The following HPSE2 variants were observed in gnomAD, a reference collection of about 807,000 sequenced individuals.
HPSE2 encodes the protein heparanase 2 (inactive).
Under a neutral mutation model 60.5 loss-of-function variants are expected in HPSE2, and 38 were observed. The observed-to-expected ratio is 0.63, with a 90% CI of 0.48 to 0.82. HPSE2 has a LOEUF of 0.82. Ranked by LOEUF, HPSE2 falls within the 40% of genes least tolerant of loss-of-function variation. HPSE2 has a pLI of 0.00. For synonymous variants in HPSE2, 295 were observed against 293.2 expected, an observed-to-expected ratio of 1.01 and a Z score of -0.06; for missense variants, 713 against 740.4, an observed-to-expected ratio of 0.96 and a Z score of 0.43.
chr10:99,085,998 C>T (rs1843303002), intron 3 of HPSE2, among the ~76,000 whole-genome samples: 1 of 152,168 alleles, frequency 6.6e-6, no homozygotes, highest in South Asian at 2.1e-4. Context: ...ATATTCATTT[C>T]CAAAGTACAC....
At position 99,047,878 on chromosome 10, in the gene HPSE2, C is replaced by T. The variant is rs187801173; in HGVS notation, c.610+96360G>A. On this transcript the variant is annotated intron_variant, in intron 3 of 11. Transcript: ENST00000370552. ...CGAGGATGGCAAGAAAAGCTGGCAACTTTAATGTACCTTCAGAACCCAAAC... is the reference window on the plus strand; with the variant it reads ...CGAGGATGGCAAGAAAAGCTGGCAATTTTAATGTACCTTCAGAACCCAAAC... 1.2e-4 allele frequency: 94 copies of T among 767,234 alleles called. 2 individuals are homozygous for T. The East Asian group carries it at 1.6e-3, about 13-fold the overall frequency. The allele number at this position is 767,234 out of a possible 1,614,324, so 47.5% of individuals were successfully genotyped here.
rs1337240590 is a variant in HPSE2 at position 98,546,875 on chromosome 10, G to A, written c.1321-56679C>T. 3.3e-5 allele frequency among the ~76,000 whole-genome samples: 5 copies of A among 149,524 alleles called. No individual in the cohort carries two copies. The East Asian group carries it at 1.0e-3, about 30-fold the overall frequency. ...CATCAGAGTGAACAGCCAACCTACA[G>A]AATGGGAGAAAATTTTCTCAACCTA... On this transcript the variant is annotated intron_variant, in intron 9 of 11. Transcript: ENST00000370552.
intron 3 of HPSE2, among the ~76,000 whole-genome samples, chr10:99,082,700 A>C (rs1843188167): frequency 6.6e-6 from 1 of 152,220 alleles, no homozygotes; most frequent in Admixed American, 6.5e-5. Context: ...AGCACGTACT[A>C]GATACACATT....
At chr10:98,764,431 A>G in intron 3 of HPSE2, among the ~76,000 whole-genome samples, 1 of 152,244 alleles carries the variant, frequency 6.6e-6, no homozygotes. Context: ...CTATAGAACC[A>G]TATCAATAAT....
intron 3 of HPSE2, among the ~76,000 whole-genome samples, chr10:98,991,619 C>A (rs931143180): frequency 6.6e-6 from 1 of 152,186 alleles, no homozygotes; most frequent in South Asian, 2.1e-4. Context: ...TTTTGAGCAG[C>A]AGAGTCACAT....
chr10:98,519,138 T>C (rs947930810), intron 9 of HPSE2, among the ~76,000 whole-genome samples: 1 of 152,228 alleles, frequency 6.6e-6, no homozygotes, highest in Admixed American at 6.5e-5. Flanking sequence ...AGGCCCTACA[T>C]TGAATAGAAA....
At chr10:99,264,565 A>G in the HPSE2 span, among the ~76,000 whole-genome samples, 1 of 152,210 alleles carries the variant, frequency 6.6e-6, no homozygotes, top group South Asian at 2.1e-4. Flanking sequence ...GACAACATAA[A>G]AAAACTCAAG....
chr10:99,084,166 T>C (rs1399156900), intron 3 of HPSE2, among the ~76,000 whole-genome samples: 1 of 151,984 alleles, frequency 6.6e-6, no homozygotes, highest in East Asian at 1.9e-4. Context: ...ACTCAATTCC[T>C]CCCTATCCTG....
At chr10:99,299,651 C>A in the HPSE2 span, among the ~76,000 whole-genome samples, 6 of 152,096 alleles carry the variant, frequency 3.9e-5, no homozygotes, top group Non-Finnish European at 8.8e-5. Context: ...CAGATTTCGA[C>A]CCTCAGTGGG....
At chr10:99,288,980 C>T in the HPSE2 span, among the ~76,000 whole-genome samples, 4 of 151,842 alleles carry the variant, frequency 2.6e-5, no homozygotes, top group African/African-American at 9.7e-5. Context: ...ATTAAAATAC[C>T]AGCTAAAAAT....
intron 3 of HPSE2, among the ~76,000 whole-genome samples, chr10:99,081,811 T>C (rs1843152141): frequency 6.6e-6 from 1 of 151,988 alleles, no homozygotes; most frequent in Non-Finnish European, 1.5e-5. Flanking sequence ...TAATTTTTTG[T>C]ATTTTTAGTA....
chr10:98,778,528 TG>T (rs1950397578), intron 3 of HPSE2, among the ~76,000 whole-genome samples: 1 of 151,916 alleles, frequency 6.6e-6, no homozygotes, highest in South Asian at 2.1e-4. Context: ...CACAGGGAAG[TG>T]GTCAGGAGGC....
chr10:99,126,175 T>C lies in HPSE2; in HGVS notation c.610+18063A>G, dbSNP rs1490376349. Among the ~76,000 whole-genome samples, 4 of 152,146 alleles carry C rather than the reference T, an allele frequency of 2.6e-5. No individual in the cohort carries two copies. The highest frequency in any genetic ancestry group is 5.9e-5 in the Non-Finnish European group (4 of 68,020). On this transcript the variant is annotated intron_variant, in intron 3 of 11. Coordinates refer to ENST00000370552, the MANE Select transcript of HPSE2 (RefSeq NM_021828.5). The surrounding 1 kb of genome is among the most constrained non-coding windows in gnomAD (Gnocchi z 4.0). Reference sequence around the variant, plus strand: ...CTGTGTGGGAGCTGAGTGAGGCCTTTTGCTACCAGCTATGCCCCCACTTCC... The same window carrying C: ...CTGTGTGGGAGCTGAGTGAGGCCTTCTGCTACCAGCTATGCCCCCACTTCC...
At chr10:99,012,946 C>G (rs1957050566) in intron 3 of HPSE2, among the ~76,000 whole-genome samples, 1 of 152,172 alleles carries the variant, frequency 6.6e-6, no homozygotes, top group South Asian at 2.1e-4. Flanking sequence ...GAGACTTCAT[C>G]TTTGTTTTCA....
chr10:98,922,652 T>C (rs1954316003), intron 3 of HPSE2, among the ~76,000 whole-genome samples: 1 of 152,172 alleles, frequency 6.6e-6, no homozygotes, highest in African/African-American at 2.4e-5. Flanking sequence ...TGGGGTGATC[T>C]GATATCTAGT....
chr10:99,152,651 T>C (rs1197828564), intron 2 of HPSE2, among the ~76,000 whole-genome samples: 5 of 152,182 alleles, frequency 3.3e-5, no homozygotes. Flanking sequence ...TTTATAAAAA[T>C]TAAGTTAACA....
At chr10:98,821,937 T>G (rs1490543107) in intron 3 of HPSE2, among the ~76,000 whole-genome samples, 1 of 152,148 alleles carries the variant, frequency 6.6e-6, no homozygotes, top group Non-Finnish European at 1.5e-5. Flanking sequence ...AATGATGTTG[T>G]GAAAGGTGCT....
chr10:99,202,264 A>G (rs186794629), intron 2 of HPSE2, among the ~76,000 whole-genome samples: 1 of 152,206 alleles, frequency 6.6e-6, no homozygotes. Flanking sequence ...ATCCTCAGGC[A>G]TCATTATTTG....
intron 3 of HPSE2, among the ~76,000 whole-genome samples, chr10:98,825,806 TAC>T (rs1484801299): frequency 2.0e-5 from 3 of 152,168 alleles, no homozygotes; most frequent in African/African-American, 7.2e-5. Context: ...AAGACTTATA[TAC>T]ACACACTCCT....
Sources: gnomAD v4.1 joint callset for allele counts (sites outside exome capture counted in the v4.1 genomes callset) on GRCh38, gnomAD v4.1.1 for gene constraint, Gnocchi (gnomAD v3.1) non-coding constraint, MANE v1.5 for transcripts, NCBI Gene and HGNC (gene_info 2026-07-23, HGNC 2026-07-21) for gene names.